Variants in ABCC6 observed in about 807,000 individuals in gnomAD.
The protein encoded by ABCC6 is ATP-binding cassette sub-family C member 6.
Under a neutral mutation model 169.5 loss-of-function variants are expected in ABCC6, and 126 were observed. That is an observed-to-expected ratio of 0.74 (90% confidence interval 0.64 to 0.86). The LOEUF is 0.86. ABCC6 is among the 40% of genes least tolerant of loss of function. The pLI is 0.00. For missense variants in ABCC6, 1,733 were observed against 1,927.2 expected, an observed-to-expected ratio of 0.90 and a Z score of 1.89; for synonymous variants, 752 against 814.7, an observed-to-expected ratio of 0.92 and a Z score of 1.31.
At chr16:16,164,611 T>C (rs1339565977) in intron 23 of ABCC6, among the ~76,000 whole-genome samples, 1 of 152,216 alleles carries the variant, frequency 6.6e-6, no homozygotes, top group Non-Finnish European at 1.5e-5. Flanking sequence ...TGAGATGATA[T>C]GATAGCTAGT....
intron 11 of ABCC6, among the ~76,000 whole-genome samples, chr16:16,192,490 A>G (rs2047894844): frequency 1.3e-5 from 2 of 152,164 alleles, no homozygotes; most frequent in African/African-American, 4.8e-5. Context: ...GACCTGGGTT[A>G]GAGATCATGG....
At chr16:16,152,727 G>A (rs1428296000) in intron 29 of ABCC6, among the ~76,000 whole-genome samples, 2 of 146,776 alleles carry the variant, frequency 1.4e-5, no homozygotes, top group Admixed American at 6.9e-5. Flanking sequence ...CGGGGCGGGG[G>A]TGGGGGTGTG....
In ABCC6 at chr16:16,203,514, T is replaced by G. The variant is rs915698698; in HGVS notation, c.894A>C (p.Pro298=). The G allele has an allele frequency of 1.9e-6, 3 of 1,613,872 alleles. No individual in the cohort carries two copies. Reference sequence around the variant, plus strand: ...ACACCTGCCAGATGGCCTTCAGCAGTGGGCGCCACTGGCTCCCTTCTTGCC... The same window carrying G: ...ACACCTGCCAGATGGCCTTCAGCAGGGGGCGCCACTGGCTCCCTTCTTGCC... ...FLRQEGSQWR[P]LLKAIWQVFH... Residue 298 remains proline, a synonymous_variant, in exon 8 of 31, where the codon CCA becomes CCC. Transcript: ENST00000205557.
At chr16:16,157,377 T>G (rs1567468761) in intron 27 of ABCC6, among the ~76,000 whole-genome samples, 1 of 152,120 alleles carries the variant, frequency 6.6e-6, no homozygotes, top group South Asian at 2.1e-4. Flanking sequence ...CTGGAGCATT[T>G]AACACACTGC....
intron 1 of ABCC6, among the ~76,000 whole-genome samples, chr16:16,222,855 T>C (rs1470179270): frequency 2.6e-5 from 4 of 152,146 alleles, no homozygotes; most frequent in African/African-American, 4.8e-5. Context: ...TCCTTCCCTG[T>C]AAAAGGGGGA....
rs893859633 is a variant in ABCC6 at position 16,182,555 on chromosome 16, C to G, written c.2104G>C (p.Val702Leu). ...AVAYVPQEAW[V>L]QNTSVVENVC... The stretch of plus-strand genomic sequence containing the variant: ...TTCTCTACCACAGAGGTGTTCTGCA[C>G]CCAGGCCTCCTGGGGCACGTAGGCC... Residue 702 changes from valine to leucine, a missense_variant, in exon 17 of 31, where the codon GTG (valine) becomes CTG (leucine). Val to Leu is a conservative substitution (Grantham distance 32). This residue lies in a region of ABCC6 where 1,601 missense variants were observed against 1,635.5 expected (regional missense o/e 0.98). Transcript: ENST00000205557. 1.9e-6 allele frequency: 3 copies of G among 1,613,328 alleles called. No individual in the cohort carries two copies. The highest frequency in any genetic ancestry group is 2.5e-6 in the Non-Finnish European group (3 of 1,179,348).
intron 11 of ABCC6, 114 bp from the exon 12 acceptor site, chr16:16,190,481 A>C: frequency 8.5e-7 from 1 of 1,171,980 alleles, no homozygotes; most frequent in Non-Finnish European, 1.2e-6. Flanking sequence ...TGCGTCCCAA[A>C]CCTGTCTGCC....
At chr16:16,179,097 A>G in intron 17 of ABCC6, 132 bp from the exon 18 acceptor site, 1 of 1,042,998 alleles carries the variant, frequency 9.6e-7, no homozygotes, top group Non-Finnish European at 1.4e-6. Context: ...TTCCCTGGGG[A>G]CAGGCCCAGC....
intron 6 of ABCC6, among the ~76,000 whole-genome samples, chr16:16,211,909 C>T (rs1179300179): frequency 6.6e-6 from 1 of 151,146 alleles, no homozygotes; most frequent in East Asian, 1.9e-4. Flanking sequence ...TTGAGTCATC[C>T]CCATTTTACA....
At chr16:16,214,673 C>T (rs1165411234) in intron 4 of ABCC6, among the ~76,000 whole-genome samples, 2 of 151,950 alleles carry the variant, frequency 1.3e-5, no homozygotes, top group Non-Finnish European at 2.9e-5. Context: ...GGCATGATCT[C>T]GGCTCCCTGC....
intron 9 of ABCC6, 44 bp downstream of exon 9, chr16:16,201,957 C>T (rs1365318981): frequency 1.9e-6 from 3 of 1,612,198 alleles, no homozygotes; most frequent in Non-Finnish European, 2.5e-6. Context: ...AGTGATACTG[C>T]TTTTCCTGGC....
intron 17 of ABCC6, among the ~76,000 whole-genome samples, chr16:16,180,570 G>T (rs1416572868): frequency 1.3e-5 from 2 of 152,042 alleles, no homozygotes; most frequent in African/African-American, 4.8e-5. Flanking sequence ...TCGGCTCACT[G>T]CAACCTCTGC....
chr16:16,183,046 T>C lies in ABCC6; in HGVS notation c.1944-116A>G, dbSNP rs2047533501. The C allele has an allele frequency of 4.6e-6, 7 of 1,505,600 alleles. No individual in the cohort carries two copies. The East Asian group carries it at 1.4e-4, about 29-fold the overall frequency. The allele number at this position is 1,505,600 out of a possible 1,614,324, so 93.3% of individuals were successfully genotyped here. On this transcript the variant is annotated intron_variant, in intron 15 of 30. Transcript: ENST00000205557. ...TGCTCTGGGAGTCTCCAAGAGGACC[T>C]GTGGGGCTGTTCTTTTTCCCAGTCC...
chr16:16,204,857 CA>C (rs1258062630), intron 7 of ABCC6, among the ~76,000 whole-genome samples: 1 of 142,212 alleles, frequency 7.0e-6, no homozygotes, highest in Non-Finnish European at 1.5e-5. Context: ...TTTTTTGAGA[CA>C]GAGTTTCGCT....
chr16:16,152,236 AT>A (rs1461117504), intron 29 of ABCC6, among the ~76,000 whole-genome samples: 2 of 145,460 alleles, frequency 1.4e-5, no homozygotes, highest in African/African-American at 5.1e-5. Flanking sequence ...TTGTCACAGA[AT>A]AAGCCCTTGG....
intron 27 of ABCC6, among the ~76,000 whole-genome samples, chr16:16,156,942 CAAAA>C (rs33984541): frequency 4.9e-5 from 5 of 101,152 alleles, no homozygotes; most frequent in East Asian, 5.6e-4. Flanking sequence ...GACTCTGTCT[CAAAA>C]AAAAAAAAAA....
chr16:16,174,705 C>T (rs969421678), intron 20 of ABCC6, among the ~76,000 whole-genome samples: 2 of 139,270 alleles, frequency 1.4e-5, no homozygotes, highest in Admixed American at 7.8e-5. Flanking sequence ...TGCAGTGAGC[C>T]GAGATTGTGC....
intron 14 of ABCC6, 124 bp from the exon 15 acceptor site, chr16:16,185,158 C>A: frequency 1.1e-6 from 1 of 908,436 alleles, no homozygotes; most frequent in Non-Finnish European, 1.8e-6. Flanking sequence ...AAATCTCTCC[C>A]ACTGAACAAA....
Position 16,149,981 on chromosome 16 carries a change from T to C in ABCC6, c.*152A>G, listed in dbSNP as rs149116500. 5.2e-4 allele frequency: 625 copies of C among 1,199,500 alleles called. 5 individuals are homozygous for C. The African/African-American group carries it at 8.0e-3, about 15-fold the overall frequency. 74.3% of individuals were successfully genotyped at this position (1,199,500 alleles called of 1,614,324 possible). A position where few individuals can be genotyped will look rare whatever the true frequency, so the allele number is the denominator to read the frequency against. On this transcript the variant is annotated 3_prime_UTR_variant, in exon 31 of 31. Transcript: ENST00000205557. Reference sequence around the variant, plus strand: ...TCCGGCTCTGATGCTCTGTGATAATTGGCCACTTTCTCTGCCATTTTCCTC... The same window carrying C: ...TCCGGCTCTGATGCTCTGTGATAATCGGCCACTTTCTCTGCCATTTTCCTC...
Sources: gnomAD v4.1 joint callset for allele counts (sites outside exome capture counted in the v4.1 genomes callset) on GRCh38, gnomAD v4.1.1 for gene constraint, gnomAD v4.1.1 regional missense constraint, MANE v1.5 for transcripts, NCBI Gene and HGNC (gene_info 2026-07-23, HGNC 2026-07-21) for gene names.